The following DMD variants were observed in gnomAD, a reference collection of about 807,000 sequenced individuals.
DMD encodes the protein dystrophin.
DMD carries 63 observed loss-of-function variants against 330.1 expected under a neutral mutation model. The observed-to-expected ratio is 0.19, with a 90% CI of 0.16 to 0.24. DMD has a LOEUF of 0.24. Among genes scored for constraint, DMD ranks in the 10% least tolerant of loss-of-function variants. The pLI is 1.00. For missense variants in DMD, 3,344 were observed against 2,684.1 expected (o/e 1.25, Z -5.43); for synonymous variants, 1,223 against 959.8 (o/e 1.27, Z -5.07).
chrX:32,486,583 C>G (rs987339453), intron 20 of DMD, among the ~76,000 whole-genome samples: 3 of 110,243 alleles, frequency 2.7e-5, no homozygotes, highest in Non-Finnish European at 3.8e-5. Flanking sequence ...AGGCATCACA[C>G]TACCTGACTT....
intron 45 of DMD, among the ~76,000 whole-genome samples, chrX:31,932,752 ATACATACATACGTACG>A (rs1433233505): frequency 9.0e-6 from 1 of 110,855 alleles, no homozygotes; most frequent in Non-Finnish European, 1.9e-5. Context: ...TCTCAAATAC[ATACATACATACGTACG>A]TACATACATA....
chrX:31,857,383 A>G lies in DMD; in HGVS notation c.7098+17805T>C, dbSNP rs1158442558. The stretch of plus-strand genomic sequence containing the variant: ...GATGGAGCAAGACTCCACCTCGGAA[A>G]AAAAAAAAAAAAAAAAAAAAAAAAA... On this transcript the variant is annotated intron_variant, in intron 48 of 78. Transcript: ENST00000357033. Among the ~76,000 whole-genome samples, 128 of 49,820 alleles carry G rather than the reference A, an allele frequency of 2.6e-3. 1 individual carries two copies. Among genetic ancestry groups the G allele is most frequent in the African/African-American group, 7.4e-3 (125 of 16,933 alleles). The allele number at this position is 49,820 out of a possible 115,157, so 43.3% of individuals were successfully genotyped here. A position where few individuals can be genotyped will look rare whatever the true frequency, so the allele number is the denominator to read the frequency against.
chrX:32,609,264 T>C (rs143688767), intron 12 of DMD, among the ~76,000 whole-genome samples: 35 of 111,093 alleles, frequency 3.2e-4, no homozygotes, highest in African/African-American at 1.1e-3. Flanking sequence ...TCTCTGCTCT[T>C]TTATTTATCC....
intron 9 of DMD, among the ~76,000 whole-genome samples, chrX:32,655,314 T>G (rs1468834844): frequency 2.7e-5 from 3 of 112,454 alleles, no homozygotes; most frequent in Admixed American, 9.4e-5. Flanking sequence ...TTTAAATGTG[T>G]CCCACAGATT....
intron 2 of DMD, among the ~76,000 whole-genome samples, chrX:32,870,669 TG>T (rs2082880355): frequency 9.0e-6 from 1 of 110,552 alleles, no homozygotes; most frequent in African/African-American, 3.3e-5. Context: ...AAACAAGCAA[TG>T]GGGAAAGGAT....
chrX:31,478,007 T>C (rs1312987717), intron 59 of DMD, 99 bp downstream of exon 59: 6 of 967,374 alleles, frequency 6.2e-6, no homozygotes, highest in Non-Finnish European at 7.1e-6. Flanking sequence ...CTGATTTCTC[T>C]AGCTTTAACT....
At chrX:32,791,935 T>C (rs1449069593) in intron 7 of DMD, among the ~76,000 whole-genome samples, 1 of 111,723 alleles carries the variant, frequency 9.0e-6, no homozygotes, top group Non-Finnish European at 1.9e-5. Flanking sequence ...CATGACACAT[T>C]ATAGCCAAAC....
At chrX:33,010,284 A>G (rs775439393) in intron 2 of DMD, among the ~76,000 whole-genome samples, 1 of 108,618 alleles carries the variant, frequency 9.2e-6, no homozygotes, top group Non-Finnish European at 1.9e-5. Flanking sequence ...ATGTACATAT[A>G]TGTGTGTAAA....
intron 51 of DMD, among the ~76,000 whole-genome samples, chrX:31,735,073 G>A (rs891212034): frequency 6.3e-5 from 7 of 111,019 alleles, no homozygotes; most frequent in African/African-American, 2.3e-4. Context: ...ATGATTGGGT[G>A]TGGTGGGAAT....
chrX:31,674,456 T>C (rs1235476962), intron 53 of DMD, among the ~76,000 whole-genome samples: 2 of 112,465 alleles, frequency 1.8e-5, no homozygotes, highest in South Asian at 3.7e-4. Context: ...TTGAAAAGTA[T>C]TGAATTTCTT....
intron 1 of DMD, among the ~76,000 whole-genome samples, chrX:33,254,842 A>G (rs886697153): frequency 9.0e-6 from 1 of 110,608 alleles, no homozygotes; most frequent in African/African-American, 3.3e-5. Context: ...TGGTCTATTC[A>G]TATGATTTTC....
At chrX:32,904,467 G>T (rs762856303) in intron 2 of DMD, among the ~76,000 whole-genome samples, 2 of 112,102 alleles carry the variant, frequency 1.8e-5, no homozygotes, top group South Asian at 7.4e-4. Flanking sequence ...ATATTCAAAT[G>T]GAAAATTCAA....
intron 44 of DMD, among the ~76,000 whole-genome samples, chrX:32,052,606 AATC>A (rs1487055615): frequency 3.6e-5 from 4 of 111,654 alleles, no homozygotes; most frequent in African/African-American, 3.2e-5. Context: ...TGACTTGACT[AATC>A]ATACAAAAAT....
chrX:32,700,481 G>A (rs1261153845), intron 7 of DMD, among the ~76,000 whole-genome samples: 1 of 110,958 alleles, frequency 9.0e-6, no homozygotes, highest in Non-Finnish European at 1.9e-5. Context: ...AAGTTCAGGA[G>A]ATCTATTGTA....
At chrX:32,419,768 T>C (rs3827460) in intron 29 of DMD, among the ~76,000 whole-genome samples, 31,977 of 111,087 alleles carry the variant, frequency 0.29, 5,563 homozygotes, top group African/African-American at 0.66. Flanking sequence ...TTTAGCAGGT[T>C]ACTGAAGTTC....
intron 16 of DMD, among the ~76,000 whole-genome samples, chrX:32,550,226 A>C (rs142836947): frequency 0.013 from 1,495 of 111,941 alleles, 27 homozygotes; most frequent in African/African-American, 0.046. Flanking sequence ...TGATATAGAG[A>C]GTTGGGCATA....
chrX:32,435,211 G>GATATATAT (rs57151769), intron 29 of DMD, among the ~76,000 whole-genome samples: 8,094 of 94,381 alleles, frequency 0.086, 418 homozygotes, highest in Non-Finnish European at 0.12. Context: ...CCCTCAGTGG[G>GATATATAT]ATATATATAT....
chrX:32,526,266 G>C (rs751629346), intron 17 of DMD, among the ~76,000 whole-genome samples: 3 of 111,596 alleles, frequency 2.7e-5, no homozygotes, highest in Admixed American at 9.5e-5. Context: ...TGAATATTCT[G>C]TCCTCTATTC....
chrX:32,242,439 G>A (rs935994910), intron 43 of DMD, among the ~76,000 whole-genome samples: 3 of 111,635 alleles, frequency 2.7e-5, no homozygotes, highest in Non-Finnish European at 5.7e-5. Flanking sequence ...TTTATTACCT[G>A]AAATACCACC....
Sources: allele counts gnomAD v4.1 joint callset (sites outside exome capture counted in the v4.1 genomes callset), GRCh38; gene constraint gnomAD v4.1.1; transcripts MANE v1.5; gene names NCBI Gene and HGNC (gene_info 2026-07-23, HGNC 2026-07-21).